PUM1: variants seen among roughly 807,000 people sequenced by gnomAD.
PUM1 encodes the protein pumilio RNA binding family member 1, also known as pumilio homolog 1.
A neutral mutation model predicts 131.8 loss-of-function variants in PUM1; 13 were observed. The ratio of observed to expected loss-of-function variants is 0.10; its 90% CI spans 0.06 to 0.16. The LOEUF is 0.16. Ranked by LOEUF, PUM1 falls within the 10% of genes least tolerant of loss-of-function variation. The pLI, the probability that PUM1 is intolerant of heterozygous loss-of-function variation, is 1.00. For missense variants in PUM1, 961 were observed against 1,512.4 expected (o/e 0.64, Z 6.05); for synonymous variants, 509 against 556.5 (o/e 0.91, Z 1.20).
intron 7 of PUM1, among the ~76,000 whole-genome samples, chr1:30,984,847 T>A (rs1181044811): frequency 6.6e-6 from 1 of 152,206 alleles, no homozygotes. Flanking sequence ...TAAAAAATTA[T>A]GGCTTTTTTT....
chr1:31,028,634 G>A (rs550160992), intron 3 of PUM1, 162 bp downstream of exon 3: 1 of 678,206 alleles, frequency 1.5e-6, no homozygotes, highest in Non-Finnish European at 2.6e-6. Context: ...TAATGACATA[G>A]TTTTGGCAAA....
chr1:30,993,165 A>T (rs1472581308), intron 6 of PUM1, among the ~76,000 whole-genome samples: 1 of 152,204 alleles, frequency 6.6e-6, no homozygotes, highest in East Asian at 1.9e-4. Context: ...CGTTGGTATT[A>T]CTGACCAATG....
intron 15 of PUM1, among the ~76,000 whole-genome samples, chr1:30,952,672 A>AGGGGG (rs1489893024): frequency 1.9e-4 from 2 of 10,540 alleles, no homozygotes; most frequent in Non-Finnish European, 4.4e-4. Context: ...GGAAGATGAA[A>AGGGGG]GCGGGGGGGG....
chr1:30,956,256 T>G (rs906547858), intron 14 of PUM1, among the ~76,000 whole-genome samples: 42 of 152,080 alleles, frequency 2.8e-4, no homozygotes, highest in Non-Finnish European at 5.4e-4. Context: ...AGACTGTTTT[T>G]TTTTGTTTTG....
At chr1:31,020,922 A>AC (rs1279775725) in intron 3 of PUM1, among the ~76,000 whole-genome samples, 2 of 152,210 alleles carry the variant, frequency 1.3e-5, no homozygotes, top group South Asian at 2.1e-4. Context: ...GGTTACAGTA[A>AC]CCAAGAAGGA....
intron 6 of PUM1, among the ~76,000 whole-genome samples, chr1:30,993,453 A>C (rs1400877760): frequency 6.6e-6 from 1 of 152,058 alleles, no homozygotes; most frequent in Admixed American, 6.6e-5. Flanking sequence ...GGATTATATG[A>C]TCCAAAATCA....
At chr1:31,047,194 A>C (rs1468312374) in intron 2 of PUM1, among the ~76,000 whole-genome samples, 1 of 152,196 alleles carries the variant, frequency 6.6e-6, no homozygotes, top group Admixed American at 6.5e-5. Flanking sequence ...ATCTCAAAAA[A>C]AGAGTACATT....
At chr1:31,007,848 AG>A (rs1642448777) in intron 3 of PUM1, among the ~76,000 whole-genome samples, 1 of 152,252 alleles carries the variant, frequency 6.6e-6, no homozygotes, top group African/African-American at 2.4e-5. Flanking sequence ...AAAAATGCAA[AG>A]TACCCTTCAA....
At chr1:31,025,350 T>C (rs562481003) in intron 3 of PUM1, among the ~76,000 whole-genome samples, 1 of 152,108 alleles carries the variant, frequency 6.6e-6, no homozygotes, top group African/African-American at 2.4e-5. Context: ...CCAATTCTAT[T>C]TGAATTCTAA....
At chr1:31,025,890 A>G (rs1239863063) in intron 3 of PUM1, among the ~76,000 whole-genome samples, 1 of 152,054 alleles carries the variant, frequency 6.6e-6, no homozygotes, top group Non-Finnish European at 1.5e-5. Flanking sequence ...TCCCTCTCAG[A>G]GATGTTTTAT....
intron 13 of PUM1, among the ~76,000 whole-genome samples, chr1:30,965,579 A>C (rs1165005153): frequency 6.6e-6 from 1 of 152,242 alleles, no homozygotes; most frequent in African/African-American, 2.4e-5. Context: ...AGACTGAAGA[A>C]AACTTGTAAC....
intron 17 of PUM1, among the ~76,000 whole-genome samples, chr1:30,946,831 C>T (rs1639697458): frequency 6.6e-6 from 1 of 151,876 alleles, no homozygotes. Context: ...ATCACCTGAG[C>T]CCAGGAGTTT....
chr1:30,964,827 A>G lies in PUM1; in HGVS notation c.2170T>C (p.Leu724=), dbSNP rs766008963. 6.2e-6 allele frequency: 10 copies of G among 1,614,176 alleles called. No individual in the cohort carries two copies. In the South Asian group the frequency reaches 8.8e-5, roughly 14 times the overall value. The change falls in exon 14 of 22, where the codon TTG becomes CTG. Residue 724 remains leucine (L), a synonymous_variant. Transcript: ENST00000426105. The part of the protein sequence containing the change: ...SDLYKRTSSS[L]TPIGHSFYNG... ...TAAAAACTGTGTCCAATGGGGGTCA[A>G]GCTGCTCGATGTCCTCTTATAAAGG...
chr1:31,004,415 A>G (rs1320773006), intron 5 of PUM1, among the ~76,000 whole-genome samples: 1 of 152,194 alleles, frequency 6.6e-6, no homozygotes, highest in Non-Finnish European at 1.5e-5. Flanking sequence ...CACAACACTA[A>G]TTTCTGCTGA....
chr1:31,013,530 C>G (rs1320958264), intron 3 of PUM1, among the ~76,000 whole-genome samples: 1 of 152,184 alleles, frequency 6.6e-6, no homozygotes, highest in Non-Finnish European at 1.5e-5. Flanking sequence ...TAACTTACAA[C>G]ACAAGCTTAG....
Position 31,006,108 on chromosome 1 carries a change from C to G in PUM1, c.542-77G>C. On this transcript the variant is annotated intron_variant, in intron 4 of 21. Transcript: ENST00000426105. Reference sequence around the variant, plus strand: ...ATTATGAGTGATGTCTCATGGATAACCAATGGAATCAGGAAACTTGCCATG... The same window carrying G: ...ATTATGAGTGATGTCTCATGGATAAGCAATGGAATCAGGAAACTTGCCATG... The G allele has an allele frequency of 2.3e-6, 3 of 1,299,652 alleles. No homozygotes were observed. In the East Asian group the frequency reaches 7.3e-5, roughly 32 times the overall value. The allele number at this position is 1,299,652 out of a possible 1,614,324, so 80.5% of individuals were successfully genotyped here. A position where few individuals can be genotyped will look rare whatever the true frequency, so the allele number is the denominator to read the frequency against.
At chr1:30,942,955 T>C (rs938248555) in intron 18 of PUM1, among the ~76,000 whole-genome samples, 20 of 152,120 alleles carry the variant, frequency 1.3e-4, no homozygotes, top group Middle Eastern at 6.8e-3. Context: ...GGAGATTCGC[T>C]ATGTTGCCCA....
At position 30,966,162 on chromosome 1, in the gene PUM1, G is replaced by C. The variant is rs1340478233; in HGVS notation, c.1906C>G (p.Pro636Ala). 1 of 1,614,144 alleles carries C rather than the reference G, an allele frequency of 6.2e-7. No individual in the cohort carries two copies. ...GAACTGGATGCCAGGTTGTTATTGG[G>C]CTGCTGCTGGGGCTGGGGCTGAGGC... ...QQPQPQPQQQ[P>A]NNNLASSSFY... The change falls in exon 13 of 22, where the codon CCC (proline) becomes GCC (alanine). Residue 636 changes from proline to alanine, a missense_variant. By Grantham distance (27) the Pro-to-Ala change is conservative (BLOSUM62 -1). This residue lies in a region of PUM1 where 654 missense variants were observed against 923.9 expected (regional missense o/e 0.71). Coordinates refer to ENST00000426105, the MANE Select transcript of PUM1 (RefSeq NM_001020658.2).
chr1:30,940,344 C>T (rs553771206), intron 20 of PUM1, among the ~76,000 whole-genome samples: 1 of 152,118 alleles, frequency 6.6e-6, no homozygotes, highest in East Asian at 1.9e-4. Context: ...GGCGTGGTGG[C>T]GTGCGCCTGC....
Sources: gnomAD v4.1 joint callset for allele counts (sites outside exome capture counted in the v4.1 genomes callset) on GRCh38, gnomAD v4.1.1 for gene constraint, gnomAD v4.1.1 regional missense constraint, MANE v1.5 for transcripts, NCBI Gene and HGNC (gene_info 2026-07-23, HGNC 2026-07-21) for gene names.